Variants in MACROD2 observed in about 807,000 individuals in gnomAD.
MACROD2 encodes mono-ADP ribosylhydrolase 2.
In MACROD2, 36 loss-of-function variants were observed where a neutral mutation model predicts 70.4. The observed-to-expected ratio is 0.51, with a 90% CI of 0.39 to 0.68. The LOEUF is 0.68. MACROD2 is among the 30% of genes least tolerant of loss of function. MACROD2 has a pLI of 0.00. For missense variants in MACROD2, 496 were observed against 538.4 expected (o/e 0.92, Z 0.78); for synonymous variants, 172 against 178.8 (o/e 0.96, Z 0.30).
chr20:15,894,125 C>T, intron 10 of MACROD2: 1 of 363,188 alleles, frequency 2.8e-6, no homozygotes, highest in Non-Finnish European at 5.4e-6. Flanking sequence ...GCTTACTTCT[C>T]TCCTAGCAGC....
intron 5 of MACROD2, among the ~76,000 whole-genome samples, chr20:15,074,330 T>G (rs191394020): frequency 2.6e-5 from 4 of 152,192 alleles, no homozygotes; most frequent in African/African-American, 7.2e-5. Context: ...TAATGAAGCT[T>G]GTATAAAAAC....
intron 3 of MACROD2, among the ~76,000 whole-genome samples, chr20:14,373,350 A>G (rs1349678030): frequency 6.6e-6 from 1 of 152,194 alleles, no homozygotes; most frequent in African/African-American, 2.4e-5. Context: ...AATTATGACA[A>G]CATCAAGAGG....
chr20:14,429,437 G>T (rs2083970610), intron 3 of MACROD2, among the ~76,000 whole-genome samples: 2 of 152,152 alleles, frequency 1.3e-5, no homozygotes. Flanking sequence ...TCTCCACAAG[G>T]ATAAAGAAGT....
chr20:14,614,385 C>T (rs1043697978), intron 4 of MACROD2, among the ~76,000 whole-genome samples: 3 of 152,088 alleles, frequency 2.0e-5, no homozygotes, highest in Non-Finnish European at 4.4e-5. Flanking sequence ...AGTTGGTGCT[C>T]ACCTCACCCA....
chr20:14,039,704 A>C (rs1183488925), intron 2 of MACROD2, among the ~76,000 whole-genome samples: 1 of 152,118 alleles, frequency 6.6e-6, no homozygotes, highest in African/African-American at 2.4e-5. Context: ...GGGAACCTGT[A>C]TAGCCAGTGT....
intron 6 of MACROD2, among the ~76,000 whole-genome samples, chr20:15,305,807 C>T (rs2077692482): frequency 6.6e-6 from 1 of 152,274 alleles, no homozygotes; most frequent in South Asian, 2.1e-4. Flanking sequence ...AATTTGAACC[C>T]TTTCCACTCT....
intron 3 of MACROD2, among the ~76,000 whole-genome samples, chr20:14,334,938 G>A (rs183870543): frequency 2.0e-4 from 30 of 152,202 alleles, no homozygotes; most frequent in African/African-American, 7.0e-4. Flanking sequence ...AGGCATAGAA[G>A]TTAAGAAATG....
chr20:15,124,394 C>T (rs1601105394), intron 5 of MACROD2, among the ~76,000 whole-genome samples: 1 of 145,920 alleles, frequency 6.9e-6, no homozygotes. Context: ...AAATTACAAG[C>T]TTTAAGATAG....
intron 4 of MACROD2, chr20:14,627,194 G>A (rs1340670221): frequency 6.6e-6 from 1 of 152,194 alleles, no homozygotes; most frequent in Non-Finnish European, 1.5e-5. Flanking sequence ...GTACCACCTC[G>A]ATATCCCCTA....
intron 3 of MACROD2, among the ~76,000 whole-genome samples, chr20:14,230,685 A>AAAAAACACAGGC (rs2081800606): frequency 1.7e-5 from 2 of 116,878 alleles, no homozygotes; most frequent in Non-Finnish European, 3.4e-5. Flanking sequence ...ATATATATAT[A>AAAAAACACAGGC]TATATATATA....
intron 3 of MACROD2, among the ~76,000 whole-genome samples, chr20:14,282,419 G>T (rs1432611385): frequency 1.3e-5 from 2 of 152,292 alleles, no homozygotes; most frequent in Admixed American, 1.3e-4. Flanking sequence ...TTGACTGTCT[G>T]CTGGATGGTC....
intron 8 of MACROD2, among the ~76,000 whole-genome samples, chr20:15,609,195 C>G (rs1006559624): frequency 6.6e-6 from 1 of 152,170 alleles, no homozygotes; most frequent in African/African-American, 2.4e-5. Context: ...TAATTACACT[C>G]CCTTCAGACT....
intron 10 of MACROD2, among the ~76,000 whole-genome samples, chr20:15,903,860 C>T (rs2065102440): frequency 6.6e-6 from 1 of 152,128 alleles, no homozygotes; most frequent in Non-Finnish European, 1.5e-5. Flanking sequence ...ATGGCTTGAT[C>T]CAAGTAGCAG....
At chr20:15,770,089 C>CT (rs1156897064) in intron 8 of MACROD2, among the ~76,000 whole-genome samples, 1,464 of 44,362 alleles carry the variant, frequency 0.033, 29 homozygotes, top group African/African-American at 0.07. Context: ...TTTTAATTTT[C>CT]TTTTTTTTTT....
At chr20:15,277,262 C>A (rs959908049) in intron 6 of MACROD2, among the ~76,000 whole-genome samples, 1 of 152,126 alleles carries the variant, frequency 6.6e-6, no homozygotes, top group African/African-American at 2.4e-5. Context: ...GCAAGAAATC[C>A]TTTCCCCAAG....
At chr20:16,014,587 C>T (rs770464592) in intron 15 of MACROD2, among the ~76,000 whole-genome samples, 13 of 152,194 alleles carry the variant, frequency 8.5e-5, no homozygotes, top group Non-Finnish European at 1.8e-4. Flanking sequence ...AGACTCTGAT[C>T]ACCATCTGGG....
chr20:15,248,660 C>T (rs1221566903), intron 6 of MACROD2, among the ~76,000 whole-genome samples: 2 of 152,164 alleles, frequency 1.3e-5, no homozygotes, highest in East Asian at 3.9e-4. Flanking sequence ...CCAGAGTCCG[C>T]TCAGTCTCAG....
chr20:15,411,719 A>G (rs1436166504), intron 6 of MACROD2, among the ~76,000 whole-genome samples: 17 of 152,234 alleles, frequency 1.1e-4, no homozygotes, highest in Admixed American at 1.1e-3. Flanking sequence ...TAGACTCTGT[A>G]TGCAGCTGGG....
At chr20:15,161,382 T>A (rs1204714149) in intron 5 of MACROD2, among the ~76,000 whole-genome samples, 2 of 148,828 alleles carry the variant, frequency 1.3e-5, no homozygotes, top group Non-Finnish European at 3.0e-5. Flanking sequence ...TATAATAATG[T>A]AATATAATAT....
Sources: gnomAD v4.1 joint callset for allele counts (sites outside exome capture counted in the v4.1 genomes callset) on GRCh38, gnomAD v4.1.1 for gene constraint, MANE v1.5 for transcripts, NCBI Gene and HGNC (gene_info 2026-07-23, HGNC 2026-07-21) for gene names.